PXDN: variants seen among roughly 807,000 people sequenced by gnomAD.
The protein encoded by PXDN is peroxidasin.
PXDN carries 77 observed loss-of-function variants against 140.3 expected under a neutral mutation model. The observed-to-expected ratio is 0.55, with a 90% CI of 0.46 to 0.66. The LOEUF (loss-of-function observed/expected upper bound fraction) is 0.66, where lower values mean the gene tolerates loss of function less well. Ranked by LOEUF, PXDN falls within the 30% of genes least tolerant of loss-of-function variation. The pLI is 0.00. For missense variants in PXDN, 1,838 were observed against 2,039.5 expected (o/e 0.90, Z 1.90); for synonymous variants, 911 against 857.4 (o/e 1.06, Z -1.09).
In PXDN at chr2:1,632,764, G is replaced by C. The variant is rs1682443857; in HGVS notation, c.*1440C>G. ...ATGGAAGCCTCGACGCCATACCCCAGTGCTGGACACCTGCCACCCTGAACC... is the reference window on the plus strand; with the variant it reads ...ATGGAAGCCTCGACGCCATACCCCACTGCTGGACACCTGCCACCCTGAACC... On this transcript the variant is annotated 3_prime_UTR_variant, in exon 23 of 23. Coordinates refer to ENST00000252804, the MANE Select transcript of PXDN (RefSeq NM_012293.3). This position sits in a 1 kb window ranked among gnomAD's most constrained non-coding sequence, Gnocchi z 4.3. 1 of 152,262 alleles carries C rather than the reference G, an allele frequency of 6.6e-6. No individual in the cohort carries two copies. Among genetic ancestry groups the C allele is most frequent in the African/African-American group, 2.4e-5 (1 of 41,428 alleles). 9.4% of individuals were successfully genotyped at this position (152,262 alleles called of 1,614,324 possible).
chr2:1,703,017 ACAGCTCCAGGTGAAGGGGGGG>A (rs1558515979), intron 1 of PXDN, among the ~76,000 whole-genome samples: 10 of 35,712 alleles, frequency 2.8e-4, no homozygotes, highest in Non-Finnish European at 1.9e-4. Context: ...TGAAGGGGGG[ACAGCTCCAGGTGAAGGGGGGG>A]CAGCTCCAGG....
chr2:1,690,452 G>T (rs59057871), intron 3 of PXDN, among the ~76,000 whole-genome samples: 2 of 152,020 alleles, frequency 1.3e-5, no homozygotes, highest in Non-Finnish European at 2.9e-5. Context: ...CACTTTGAAC[G>T]TGTTTGCTGA....
At chr2:1,738,884 C>T (rs1037747892) in intron 1 of PXDN, among the ~76,000 whole-genome samples, 8 of 152,206 alleles carry the variant, frequency 5.3e-5, no homozygotes, top group South Asian at 2.1e-4. Context: ...AGATTCATGA[C>T]GTCTGCCCTG....
chr2:1,657,170 TG>T (rs201158049), intron 14 of PXDN, among the ~76,000 whole-genome samples: 1 of 141,926 alleles, frequency 7.0e-6, no homozygotes, highest in African/African-American at 2.7e-5. Context: ...TCCTACTGAC[TG>T]GGGGGGAACC....
chr2:1,709,626 C>G (rs189284723), intron 1 of PXDN, among the ~76,000 whole-genome samples: 1 of 152,302 alleles, frequency 6.6e-6, no homozygotes, highest in African/African-American at 2.4e-5. Flanking sequence ...CGCACCTGCC[C>G]GGCCCCAGGA....
chr2:1,676,584 G>A (rs1683722219), intron 8 of PXDN: 1 of 345,622 alleles, frequency 2.9e-6, no homozygotes, highest in African/African-American at 2.1e-5. Flanking sequence ...ACAGTGACCA[G>A]AGCAAACAGG....
intron 19 of PXDN, among the ~76,000 whole-genome samples, chr2:1,640,604 C>T (rs1232913858): frequency 6.6e-6 from 1 of 152,212 alleles, no homozygotes; most frequent in African/African-American, 2.4e-5. Context: ...ACCCAGCTGG[C>T]TGGACCCCTC....
intron 2 of PXDN, among the ~76,000 whole-genome samples, chr2:1,692,854 A>G (rs1428063819): frequency 2.6e-5 from 4 of 152,142 alleles, no homozygotes; most frequent in African/African-American, 9.7e-5. Context: ...CATGCCACAG[A>G]CAGGCACACA....
At chr2:1,676,622 G>A in intron 8 of PXDN, 1 of 432,212 alleles carries the variant, frequency 2.3e-6, no homozygotes, top group South Asian at 2.8e-5. Context: ...CAGGCAGGGA[G>A]AGAACAACCA....
At position 1,648,282 on chromosome 2, in the gene PXDN, C is replaced by A. The variant is rs1020772593; in HGVS notation, c.3498G>T (p.Gly1166=). The change falls in exon 17 of 23, where the codon GGG becomes GGT. Residue 1166 remains glycine, a synonymous_variant. Transcript: ENST00000252804. This position sits in a 1 kb window ranked among gnomAD's most constrained non-coding sequence, Gnocchi z 8.9. The part of the protein sequence containing the change: ...AINIQRGRDH[G]IPPYHDYRVY... ...CCCTGTAGTCGTGGTAGGGTGGGAT[C>A]CCGTGGTCCCGGCCCCGCTGGATGT... The A allele has an allele frequency of 6.2e-7, 1 of 1,613,974 alleles. No individual in the cohort carries two copies. The highest frequency in any genetic ancestry group is 8.5e-7 in the Non-Finnish European group (1 of 1,179,892).
intron 7 of PXDN, among the ~76,000 whole-genome samples, chr2:1,677,761 C>T (rs1422426363): frequency 6.6e-6 from 1 of 152,226 alleles, no homozygotes; most frequent in Non-Finnish European, 1.5e-5. Context: ...CATGAGGGAA[C>T]CACACCAAGG....
chr2:1,650,259 G>T (rs1051618257), intron 16 of PXDN, among the ~76,000 whole-genome samples: 4 of 152,122 alleles, frequency 2.6e-5, no homozygotes, highest in African/African-American at 9.7e-5. Context: ...CATTTCTCTG[G>T]CAGAATCCTG....
At chr2:1,670,123 T>G (rs1683540007) in intron 9 of PXDN, among the ~76,000 whole-genome samples, 1 of 152,172 alleles carries the variant, frequency 6.6e-6, no homozygotes, top group African/African-American at 2.4e-5. Flanking sequence ...TATGCTACCC[T>G]TCTGAAAATT....
At position 1,632,438 on chromosome 2, in the gene PXDN, T is replaced by C. The variant is rs557929882; in HGVS notation, c.*1766A>G. 2.0e-5 allele frequency: 3 copies of C among 152,342 alleles called. No homozygotes were observed. The South Asian group carries it at 6.2e-4, about 32-fold the overall frequency. The allele number at this position is 152,342 out of a possible 1,614,324, so 9.4% of individuals were successfully genotyped here. ...TCTCTTCCACAATTTGGTCACTACA[T>C]TTGACTTGCTATTTCAAAAGAAGTC... On this transcript the variant is annotated 3_prime_UTR_variant, in exon 23 of 23. Transcript: ENST00000252804. This position sits in a 1 kb window ranked among gnomAD's most constrained non-coding sequence, Gnocchi z 4.3.
intron 1 of PXDN, among the ~76,000 whole-genome samples, chr2:1,703,379 GA>G: frequency 2.2e-5 from 1 of 44,714 alleles, no homozygotes; most frequent in Non-Finnish European, 4.2e-5. Context: ...TGAAGTGGGG[GA>G]CAGCTCCAGG....
Position 1,632,158 on chromosome 2 carries a change from A to C in PXDN, c.*2046T>G, listed in dbSNP as rs1182011970. Reference sequence around the variant, plus strand: ...GCAGACATTTTGGTTTGAATTACAGAATTTTTTTTGGTAAATCACAGTCAG... The same window carrying C: ...GCAGACATTTTGGTTTGAATTACAGCATTTTTTTTGGTAAATCACAGTCAG... On this transcript the variant is annotated 3_prime_UTR_variant, in exon 23 of 23. Coordinates refer to ENST00000252804, the MANE Select transcript of PXDN (RefSeq NM_012293.3). This position sits in a 1 kb window ranked among gnomAD's most constrained non-coding sequence, Gnocchi z 4.3. 1.3e-5 allele frequency: 2 copies of C among 152,278 alleles called. No homozygotes were observed. Among genetic ancestry groups the C allele is most frequent in the Non-Finnish European group, 2.9e-5 (2 of 68,046 alleles). The allele number at this position is 152,278 out of a possible 1,614,324, so 9.4% of individuals were successfully genotyped here. A position where few individuals can be genotyped will look rare whatever the true frequency, so the allele number is the denominator to read the frequency against.
At chr2:1,682,405 C>T (rs1261741982) in intron 6 of PXDN, among the ~76,000 whole-genome samples, 2 of 152,144 alleles carry the variant, frequency 1.3e-5, no homozygotes, top group Non-Finnish European at 2.9e-5. Flanking sequence ...CTTTATTTCA[C>T]TGAAGAGATA....
intron 1 of PXDN, among the ~76,000 whole-genome samples, chr2:1,738,068 A>G (rs1432666332): frequency 6.6e-6 from 1 of 152,100 alleles, no homozygotes. Flanking sequence ...GCCCACATAG[A>G]GAGATACCAC....
chr2:1,673,421 T>G (rs1377689278), intron 9 of PXDN, among the ~76,000 whole-genome samples: 5 of 152,116 alleles, frequency 3.3e-5, no homozygotes, highest in South Asian at 2.1e-4. Context: ...GTGTGGACTA[T>G]GAGTGTGTCC....
Sources: gnomAD v4.1 joint callset for allele counts (sites outside exome capture counted in the v4.1 genomes callset) on GRCh38, gnomAD v4.1.1 for gene constraint, Gnocchi (gnomAD v3.1) non-coding constraint, MANE v1.5 for transcripts, NCBI Gene and HGNC (gene_info 2026-07-23, HGNC 2026-07-21) for gene names.